Variants in CCDC38 observed in about 807,000 individuals in gnomAD.
The protein encoded by CCDC38 is coiled-coil domain containing 38, also known as coiled-coil domain-containing protein 38.
Under a neutral mutation model 72.8 loss-of-function variants are expected in CCDC38, and 69 were observed. That is an observed-to-expected ratio of 0.95 (90% CI 0.78 to 1.16). CCDC38 has a LOEUF of 1.16. CCDC38 is among the 50% of genes most tolerant of loss of function. CCDC38 has a pLI of 0.00. For synonymous variants in CCDC38, 201 were observed against 213.2 expected, an observed-to-expected ratio of 0.94 and a Z score of 0.50; for missense variants, 626 against 638.9, an observed-to-expected ratio of 0.98 and a Z score of 0.22.
At chr12:95,909,788 T>G (rs765119224) in intron 4 of CCDC38, among the ~76,000 whole-genome samples, 1 of 152,060 alleles carries the variant, frequency 6.6e-6, no homozygotes, top group African/African-American at 2.4e-5. Context: ...TAAACAGAAT[T>G]AAACCCCAAA....
At chr12:95,928,129 A>G (rs2136734655) in intron 2 of CCDC38, among the ~76,000 whole-genome samples, 1 of 151,474 alleles carries the variant, frequency 6.6e-6, no homozygotes, top group East Asian at 1.9e-4. Flanking sequence ...TATCCTGCAG[A>G]GTGTTTTCCA....
intron 1 of CCDC38, among the ~76,000 whole-genome samples, chr12:95,938,618 C>T (rs990071755): frequency 1.3e-5 from 2 of 152,150 alleles, no homozygotes; most frequent in Non-Finnish European, 2.9e-5. Flanking sequence ...AATCAGCAGT[C>T]TCCAGATGTT....
intron 15 of CCDC38, among the ~76,000 whole-genome samples, chr12:95,869,154 A>C (rs2079553824): frequency 6.6e-6 from 1 of 152,118 alleles, no homozygotes; most frequent in African/African-American, 2.4e-5. Flanking sequence ...TATACTGAAT[A>C]CTCTTGTATC....
Position 95,898,379 on chromosome 12 carries a change from C to A in CCDC38, c.614+6G>T. The A allele has an allele frequency of 6.2e-7, 1 of 1,614,098 alleles. No homozygotes were observed. ...TTGGCCACGAGAAGATTGTGCCCAC[C>A]CTCACCTTTTCACTGCTTGTACCTC... On this transcript the variant is annotated splice_donor_region_variant and intron_variant, in intron 7 of 15. Coordinates refer to ENST00000344280, the MANE Select transcript of CCDC38 (RefSeq NM_182496.3).
At chr12:95,886,873 C>T (rs1268518607) in intron 10 of CCDC38, among the ~76,000 whole-genome samples, 1 of 152,194 alleles carries the variant, frequency 6.6e-6, no homozygotes, top group Non-Finnish European at 1.5e-5. Context: ...TGAGAAACAA[C>T]TTATCAATCT....
intron 5 of CCDC38, among the ~76,000 whole-genome samples, chr12:95,900,951 G>T (rs975296427): frequency 3.3e-5 from 5 of 152,204 alleles, no homozygotes; most frequent in African/African-American, 1.2e-4. Context: ...TGAGGTCAGA[G>T]AGTAAGCTGG....
intron 4 of CCDC38, among the ~76,000 whole-genome samples, chr12:95,913,591 G>A (rs1657248159): frequency 6.6e-6 from 1 of 152,142 alleles, no homozygotes; most frequent in Non-Finnish European, 1.5e-5. Flanking sequence ...TGAAATTTAG[G>A]AGTGATTTAT....
intron 9 of CCDC38, chr12:95,889,011 CTTA>C (rs950310295): frequency 1.8e-4 from 25 of 139,574 alleles, no homozygotes; most frequent in East Asian, 1.5e-3. Flanking sequence ...CCATCACCAT[CTTA>C]TTATTATTAT....
intron 3 of CCDC38, among the ~76,000 whole-genome samples, chr12:95,917,866 C>CAAAA (rs34424423): frequency 0.019 from 1,904 of 99,088 alleles, 22 homozygotes; most frequent in Middle Eastern, 0.048. Context: ...GCAAGACTGT[C>CAAAA]AAAAAAAAAA....
At chr12:95,875,800 G>A (rs1277947030) in intron 13 of CCDC38, among the ~76,000 whole-genome samples, 1 of 152,064 alleles carries the variant, frequency 6.6e-6, no homozygotes, top group Non-Finnish European at 1.5e-5. Context: ...AAAATTTCAT[G>A]GATAGCCATT....
chr12:95,871,684 T>C lies in CCDC38; in HGVS notation c.1484+571A>G, dbSNP rs181779917. Among the ~76,000 whole-genome samples the C allele has an allele frequency of 5.3e-5, 8 of 152,238 alleles. No individual in the cohort carries two copies. The East Asian group carries it at 1.5e-3, about 29-fold the overall frequency. ...GAGGTTGTCTTGAGGAATAAATGAG[T>C]GAATGTTGTGTACATGTTGGCAGTT... On this transcript the variant is annotated intron_variant, in intron 14 of 15. Coordinates refer to ENST00000344280, the MANE Select transcript of CCDC38 (RefSeq NM_182496.3).
chr12:95,909,261 A>G (rs905313825), intron 4 of CCDC38, among the ~76,000 whole-genome samples: 1 of 152,236 alleles, frequency 6.6e-6, no homozygotes, highest in Non-Finnish European at 1.5e-5. Flanking sequence ...CACAGAGACT[A>G]TTATGAACAC....
chr12:95,879,704 T>C lies in CCDC38; in HGVS notation c.1082A>G (p.Gln361Arg). The change falls in exon 12 of 16, where the codon CAA becomes CGA. Residue 361 changes from glutamine (Q) to arginine (R), a missense_variant. Gln to Arg is a conservative substitution (Grantham distance 43). Coordinates refer to ENST00000344280, the MANE Select transcript of CCDC38 (RefSeq NM_182496.3). This position sits in a 1 kb window ranked among gnomAD's most constrained non-coding sequence, Gnocchi z 5.5. The stretch of plus-strand genomic sequence containing the variant: ...CTCTTCAAGATTTTCATCTACATCT[T>C]GGGAATATTGAAACAAAGTAAGATT... ...EQNLTLFQYS[Q>R]DVDENLEEVN... 1 of 1,609,002 alleles carries C rather than the reference T, an allele frequency of 6.2e-7. No individual in the cohort carries two copies. Among genetic ancestry groups the C allele is most frequent in the Non-Finnish European group, 8.5e-7 (1 of 1,175,608 alleles).
chr12:95,919,011 G>A (rs778066265), intron 2 of CCDC38, 35 bp from the exon 3 acceptor site: 3 of 1,307,064 alleles, frequency 2.3e-6, no homozygotes, highest in Non-Finnish European at 3.3e-6. Context: ...AATGAATTCT[G>A]TCATCCTTCC....
At chr12:95,917,065 TC>T (rs2080151992) in intron 4 of CCDC38, 63 bp downstream of exon 4, 1 of 1,368,606 alleles carries the variant, frequency 7.3e-7, no homozygotes, top group African/African-American at 1.5e-5. Flanking sequence ...CCAACAAAGC[TC>T]CCAAACCTGA....
chr12:95,919,889 T>G (rs2080185628), intron 2 of CCDC38, among the ~76,000 whole-genome samples: 1 of 152,190 alleles, frequency 6.6e-6, no homozygotes, highest in Admixed American at 6.5e-5. Flanking sequence ...CTAGAAGGAA[T>G]GTTTAAGTGG....
In CCDC38 at chr12:95,913,546, T is replaced by C. The variant is rs550337148; in HGVS notation, c.304+3583A>G. Among the ~76,000 whole-genome samples the C allele has an allele frequency of 7.9e-5, 12 of 152,242 alleles. No homozygotes were observed. The South Asian group carries it at 2.1e-3, about 26-fold the overall frequency. On this transcript the variant is annotated intron_variant, in intron 4 of 15. Coordinates refer to ENST00000344280, the MANE Select transcript of CCDC38 (RefSeq NM_182496.3). ...AGAGAAAAGCACCCACATTGGAAAG[T>C]GAAGGATAATTAAACCTCTGTTATT...
At chr12:95,921,135 A>AAAAAAGAAAAAG (rs530219290) in intron 2 of CCDC38, among the ~76,000 whole-genome samples, 3 of 151,996 alleles carry the variant, frequency 2.0e-5, no homozygotes, top group African/African-American at 7.2e-5. Context: ...TCTCAAAAAA[A>AAAAAAGAAAAAG]AAAAAGAAAA....
chr12:95,941,482 T>G (rs1007258205), intron 1 of CCDC38, among the ~76,000 whole-genome samples: 2 of 152,080 alleles, frequency 1.3e-5, no homozygotes, highest in Non-Finnish European at 2.9e-5. Flanking sequence ...CTTCGAGAAA[T>G]TACTGTAAAG....
Sources: allele counts gnomAD v4.1 joint callset (sites outside exome capture counted in the v4.1 genomes callset), GRCh38; gene constraint gnomAD v4.1.1; non-coding constraint Gnocchi (gnomAD v3.1); transcripts MANE v1.5; gene names NCBI Gene and HGNC (gene_info 2026-07-23, HGNC 2026-07-21).